IL1RAPL2: variants seen among roughly 807,000 people sequenced by gnomAD.
The protein encoded by IL1RAPL2 is X-linked interleukin-1 receptor accessory protein-like 2.
In IL1RAPL2, 3 loss-of-function variants were observed where a neutral mutation model predicts 44.1. The observed-to-expected ratio is 0.07, with a 90% CI of 0.03 to 0.18. The LOEUF (loss-of-function observed/expected upper bound fraction) is 0.18, where lower values mean the gene tolerates loss of function less well. IL1RAPL2 is among the 10% of genes least tolerant of loss of function. IL1RAPL2 has a pLI of 1.00. For synonymous variants in IL1RAPL2, 181 were observed against 178.8 expected (o/e 1.01, Z -0.10); for missense variants, 391 against 496.4 (o/e 0.79, Z 2.02).
chrX:105,723,808 A>T (rs906236939), intron 7 of IL1RAPL2, among the ~76,000 whole-genome samples: 13 of 110,975 alleles, frequency 1.2e-4, no homozygotes, highest in Admixed American at 4.8e-4. Context: ...AATCCCATTC[A>T]TGAGTGGGGA....
chrX:105,018,566 T>C (rs1056131213), intron 2 of IL1RAPL2, among the ~76,000 whole-genome samples: 1 of 111,605 alleles, frequency 9.0e-6, no homozygotes, highest in Non-Finnish European at 1.9e-5. Flanking sequence ...GCTTATTCCA[T>C]AATCACACGA....
intron 2 of IL1RAPL2, among the ~76,000 whole-genome samples, chrX:105,100,577 G>C (rs749044570): frequency 9.0e-6 from 1 of 111,705 alleles, no homozygotes; most frequent in East Asian, 2.8e-4. Context: ...GTGAGAACTA[G>C]TTCTCATTGA....
At chrX:105,205,417 CT>C (rs1269968808) in intron 3 of IL1RAPL2, among the ~76,000 whole-genome samples, 3 of 105,502 alleles carry the variant, frequency 2.8e-5, no homozygotes, top group Non-Finnish European at 5.8e-5. Flanking sequence ...GGTGTAACCC[CT>C]GTCTCTACTA....
intron 2 of IL1RAPL2, among the ~76,000 whole-genome samples, chrX:105,112,376 A>G (rs1244159098): frequency 8.9e-6 from 1 of 112,231 alleles, no homozygotes; most frequent in East Asian, 2.8e-4. Context: ...AAAAAATCAC[A>G]CACACAAATA....
chrX:105,594,634 T>G (rs1373244643), intron 6 of IL1RAPL2, among the ~76,000 whole-genome samples: 1 of 111,914 alleles, frequency 8.9e-6, no homozygotes, highest in Non-Finnish European at 1.9e-5. Context: ...TTAAAAAAAT[T>G]TATGCTTAAC....
intron 10 of IL1RAPL2, 118 bp from the exon 11 acceptor site, chrX:105,766,846 G>T: frequency 4.2e-6 from 2 of 472,766 alleles, no homozygotes; most frequent in Non-Finnish European, 7.1e-6. Flanking sequence ...TACAAGAAAA[G>T]AAAATGTGAT....
At chrX:105,141,426 A>T (rs984922291) in intron 2 of IL1RAPL2, among the ~76,000 whole-genome samples, 1 of 110,817 alleles carries the variant, frequency 9.0e-6, no homozygotes, top group African/African-American at 3.3e-5. Context: ...TAAATTTGCA[A>T]CTCAAAAAAA....
intron 2 of IL1RAPL2, among the ~76,000 whole-genome samples, chrX:105,082,472 A>G (rs2032424282): frequency 9.0e-6 from 1 of 111,466 alleles, no homozygotes; most frequent in Non-Finnish European, 1.9e-5. Context: ...CTGCTTCCTC[A>G]AGTGGTTCTA....
At chrX:105,106,191 T>A (rs1459097955) in intron 2 of IL1RAPL2, among the ~76,000 whole-genome samples, 1 of 111,726 alleles carries the variant, frequency 9.0e-6, no homozygotes, top group East Asian at 2.8e-4. Flanking sequence ...AAAAAGGTTA[T>A]GGCACCAACT....
intron 5 of IL1RAPL2, among the ~76,000 whole-genome samples, chrX:105,410,852 T>C (rs1038968986): frequency 6.3e-5 from 7 of 111,564 alleles, no homozygotes; most frequent in African/African-American, 2.3e-4. Flanking sequence ...TCAGTATAGA[T>C]AATTCCAAAA....
intron 2 of IL1RAPL2, among the ~76,000 whole-genome samples, chrX:104,666,186 T>G (rs1371736097): frequency 9.0e-6 from 1 of 110,769 alleles, no homozygotes; most frequent in Non-Finnish European, 1.9e-5. Context: ...CTCTGCCTAT[T>G]CCATTAAGTT....
intron 2 of IL1RAPL2, among the ~76,000 whole-genome samples, chrX:104,847,292 G>T (rs1425403926): frequency 1.8e-5 from 2 of 111,835 alleles, no homozygotes; most frequent in Non-Finnish European, 3.8e-5. Context: ...GAATGGTAAT[G>T]CCTAGGTTTT....
chrX:105,740,245 A>G, intron 7 of IL1RAPL2, among the ~76,000 whole-genome samples: 1 of 112,024 alleles, frequency 8.9e-6, no homozygotes, highest in Non-Finnish European at 1.9e-5. Context: ...AGGATCAACA[A>G]AATTGATAGA....
chrX:105,076,552 A>T (rs1224606313), intron 2 of IL1RAPL2, among the ~76,000 whole-genome samples: 1 of 111,254 alleles, frequency 9.0e-6, no homozygotes, highest in Non-Finnish European at 1.9e-5. Context: ...GTAGATGTCT[A>T]TTAGGTCCGC....
intron 2 of IL1RAPL2, among the ~76,000 whole-genome samples, chrX:104,897,589 C>A (rs1923691886): frequency 8.9e-6 from 1 of 112,381 alleles, no homozygotes; most frequent in Non-Finnish European, 1.9e-5. Context: ...TTGTGACCAT[C>A]ATTAATCTAC....
chrX:105,620,179 C>T (rs1339972402), intron 6 of IL1RAPL2, among the ~76,000 whole-genome samples: 1 of 111,513 alleles, frequency 9.0e-6, no homozygotes, highest in East Asian at 2.9e-4. Flanking sequence ...TGTGCTATTG[C>T]ATACTTTAAC....
chrX:104,601,950 A>G (rs190948133), intron 1 of IL1RAPL2, among the ~76,000 whole-genome samples: 2 of 112,224 alleles, frequency 1.8e-5, no homozygotes, highest in East Asian at 5.7e-4. Context: ...TATGTTTGTT[A>G]CAGCACTATT....
intron 6 of IL1RAPL2, among the ~76,000 whole-genome samples, chrX:105,651,842 T>C (rs1176474244): frequency 8.9e-6 from 1 of 112,110 alleles, no homozygotes; most frequent in Non-Finnish European, 1.9e-5. Context: ...TTGCACAGTA[T>C]TTAGCACAAT....
At chrX:104,586,073 C>A (rs1459306622) in intron 1 of IL1RAPL2, among the ~76,000 whole-genome samples, 1 of 111,938 alleles carries the variant, frequency 8.9e-6, no homozygotes, top group Admixed American at 9.5e-5. Context: ...AGTGTATAAG[C>A]ATTTCTTTTT....
Sources: allele counts gnomAD v4.1 joint callset (sites outside exome capture counted in the v4.1 genomes callset), GRCh38; gene constraint gnomAD v4.1.1; transcripts MANE v1.5; gene names NCBI Gene and HGNC (gene_info 2026-07-23, HGNC 2026-07-21).